The following ZMIZ1 variants were observed in gnomAD, a reference collection of about 807,000 sequenced individuals.
ZMIZ1 encodes the protein zinc finger MIZ-type containing 1.
A neutral mutation model predicts 113.9 loss-of-function variants in ZMIZ1; 17 were observed. That is an observed-to-expected ratio of 0.15 (90% CI 0.10 to 0.22). ZMIZ1 has a LOEUF of 0.22. ZMIZ1 is among the 10% of genes least tolerant of loss of function. The probability of loss-of-function intolerance (pLI) is 1.00; values close to 1 mark genes in which losing one functional copy is unlikely to be tolerated. For synonymous variants in ZMIZ1, 607 were observed against 603.1 expected (o/e 1.01, Z -0.09); for missense variants, 1,059 against 1,477.8 (o/e 0.72, Z 4.65).
chr10:79,202,333 G>A (rs1848135666), intron 5 of ZMIZ1, among the ~76,000 whole-genome samples: 1 of 151,856 alleles, frequency 6.6e-6, no homozygotes, highest in Non-Finnish European at 1.5e-5. Context: ...GCTGGACCCA[G>A]TGATTCACAC....
At chr10:79,170,729 GCCCT>G (rs1341358652) in intron 4 of ZMIZ1, among the ~76,000 whole-genome samples, 1 of 152,194 alleles carries the variant, frequency 6.6e-6, no homozygotes, top group African/African-American at 2.4e-5. Flanking sequence ...ACCCCGCAGA[GCCCT>G]CCCTGTCTTG....
intron 9 of ZMIZ1, 108 bp from the exon 10 acceptor site, chr10:79,290,851 T>C (rs1853443747): frequency 1.5e-6 from 2 of 1,294,476 alleles, no homozygotes; most frequent in East Asian, 4.8e-5. Flanking sequence ...CTCCCTGTTG[T>C]CCTGCCTCCA....
chr10:79,243,401 G>T (rs553892475), intron 7 of ZMIZ1, among the ~76,000 whole-genome samples: 2,902 of 149,494 alleles, frequency 0.019, 91 homozygotes, highest in African/African-American at 0.066. Context: ...GATTGGCTTC[G>T]CCCGGGAAGC....
At position 79,313,616 on chromosome 10, in the gene ZMIZ1, C is replaced by CAGA. The variant is rs1855348826; in HGVS notation, c.*870_*872dup. ...TGGGGGGCGCGGGCATATAACCTGTCAGAAGCAAACAGGAGCGGCAACTTC... is the reference window on the plus strand; with the variant it reads ...TGGGGGGCGCGGGCATATAACCTGTCAGAAGAAGCAAACAGGAGCGGCAACTTC... On this transcript the variant is annotated 3_prime_UTR_variant, in exon 25 of 25. Coordinates refer to ENST00000334512, the MANE Select transcript of ZMIZ1 (RefSeq NM_020338.4). 1 of 237,712 alleles carries CAGA rather than the reference C, an allele frequency of 4.2e-6. No individual in the cohort carries two copies. The highest frequency in any genetic ancestry group is 2.3e-5 in the African/African-American group (1 of 43,592). The allele number at this position is 237,712 out of a possible 1,614,324, so 14.7% of individuals were successfully genotyped here. A position where few individuals can be genotyped will look rare whatever the true frequency, so the allele number is the denominator to read the frequency against.
At chr10:79,302,931 C>T (rs543566721) in intron 18 of ZMIZ1, among the ~76,000 whole-genome samples, 3 of 146,972 alleles carry the variant, frequency 2.0e-5, no homozygotes, top group African/African-American at 5.0e-5. Context: ...GTGCTATCTC[C>T]GCTCACTGCA....
At chr10:79,099,412 C>T (rs752837488) in intron 1 of ZMIZ1, among the ~76,000 whole-genome samples, 8 of 152,186 alleles carry the variant, frequency 5.3e-5, no homozygotes, top group Non-Finnish European at 1.0e-4. Flanking sequence ...AGGATGTACT[C>T]CTGGCTGGTT....
intron 3 of ZMIZ1, among the ~76,000 whole-genome samples, chr10:79,158,896 G>C (rs1379130894): frequency 6.6e-6 from 1 of 152,242 alleles, no homozygotes; most frequent in Non-Finnish European, 1.5e-5. Context: ...TGCAAAGCAG[G>C]AGTGAGTCCT....
At chr10:79,130,170 G>A (rs1331560200) in intron 2 of ZMIZ1, among the ~76,000 whole-genome samples, 1 of 152,184 alleles carries the variant, frequency 6.6e-6, no homozygotes, top group Non-Finnish European at 1.5e-5. Context: ...CCATCTTCCT[G>A]CTTCTGAATC....
intron 1 of ZMIZ1, among the ~76,000 whole-genome samples, chr10:79,096,230 G>C (rs1472144822): frequency 1.3e-5 from 2 of 152,206 alleles, no homozygotes; most frequent in African/African-American, 4.8e-5. Context: ...AGATGTCTAG[G>C]CTGGGCACGG....
chr10:79,141,520 A>G (rs1032490966), intron 3 of ZMIZ1, among the ~76,000 whole-genome samples: 1 of 151,798 alleles, frequency 6.6e-6, no homozygotes, highest in Non-Finnish European at 1.5e-5. Flanking sequence ...TGATTCTCCC[A>G]CCTCAGCCCC....
At chr10:79,111,744 C>T (rs1218381011) in intron 1 of ZMIZ1, among the ~76,000 whole-genome samples, 3 of 152,234 alleles carry the variant, frequency 2.0e-5, no homozygotes, top group Non-Finnish European at 2.9e-5. Context: ...AGAATACAGT[C>T]TCACTTACAC....
At chr10:79,161,534 C>T (rs1160448879) in intron 3 of ZMIZ1, among the ~76,000 whole-genome samples, 3 of 152,222 alleles carry the variant, frequency 2.0e-5, no homozygotes, top group African/African-American at 7.2e-5. Flanking sequence ...GTCTGCCTCT[C>T]CCTGGCTTGT....
intron 1 of ZMIZ1, among the ~76,000 whole-genome samples, chr10:79,085,465 C>T (rs1052612670): frequency 6.6e-6 from 1 of 152,254 alleles, no homozygotes; most frequent in Non-Finnish European, 1.5e-5. Flanking sequence ...ACCCTGACTC[C>T]TGCCTGGCAC....
chr10:79,279,977 G>A (rs1852608593), intron 8 of ZMIZ1, among the ~76,000 whole-genome samples: 1 of 148,642 alleles, frequency 6.7e-6, no homozygotes, highest in Non-Finnish European at 1.5e-5. Flanking sequence ...GGGAGGGAGA[G>A]GGGTATTATT....
chr10:79,218,744 G>A (rs1419335986), intron 7 of ZMIZ1, among the ~76,000 whole-genome samples: 3 of 152,128 alleles, frequency 2.0e-5, no homozygotes, highest in African/African-American at 7.2e-5. Flanking sequence ...TGAAGGTTGA[G>A]TAAGTGAAGA....
intron 20 of ZMIZ1, 110 bp downstream of exon 20, chr10:79,305,341 A>G (rs1854614423): frequency 2.3e-6 from 3 of 1,331,286 alleles, no homozygotes; most frequent in South Asian, 1.2e-5. Flanking sequence ...GAACCCAAAC[A>G]TGGCAGAGGG....
intron 1 of ZMIZ1, among the ~76,000 whole-genome samples, chr10:79,078,529 A>G (rs1217907987): frequency 6.9e-6 from 1 of 143,968 alleles, no homozygotes; most frequent in Non-Finnish European, 1.5e-5. Flanking sequence ...AGTTTGCTTC[A>G]CTCAGCCTTT....
chr10:79,197,611 T>TACACAC lies in ZMIZ1; in HGVS notation c.-49-3946_-49-3941dup, dbSNP rs71482719. On this transcript the variant is annotated intron_variant, in intron 4 of 24. Transcript: ENST00000334512. ...CCCAGACCATACACACACACACACA[T>TACACAC]ACACACACACACACACACACACACA... 2.6e-3 allele frequency among the ~76,000 whole-genome samples: 232 copies of TACACAC among 90,062 alleles called. 3 individuals are homozygous for TACACAC. The highest frequency in any genetic ancestry group is 6.7e-3 in the African/African-American group (190 of 28,386). 59.1% of individuals were successfully genotyped at this position (90,062 alleles called of 152,430 possible). A position where few individuals can be genotyped will look rare whatever the true frequency, so the allele number is the denominator to read the frequency against.
intron 1 of ZMIZ1, among the ~76,000 whole-genome samples, chr10:79,093,232 T>G (rs1304182220): frequency 6.6e-6 from 1 of 151,826 alleles, no homozygotes; most frequent in African/African-American, 2.4e-5. Context: ...ATGTGCATTA[T>G]CTCATTTACT....
Sources: gnomAD v4.1 joint callset for allele counts (sites outside exome capture counted in the v4.1 genomes callset) on GRCh38, gnomAD v4.1.1 for gene constraint, MANE v1.5 for transcripts, NCBI Gene and HGNC (gene_info 2026-07-23, HGNC 2026-07-21) for gene names.